Variants in FGF14 observed in about 807,000 individuals in gnomAD.
FGF14 encodes the protein fibroblast growth factor 14, also known as fibroblast growth factor homologous factor 4.
FGF14 carries 5 observed loss-of-function variants against 25.5 expected under a neutral mutation model. That is an observed-to-expected ratio of 0.20 (90% CI 0.10 to 0.41). The LOEUF (loss-of-function observed/expected upper bound fraction) is 0.41, where lower values mean the gene tolerates loss of function less well. Ranked by LOEUF, FGF14 falls within the 10% of genes least tolerant of loss-of-function variation. The probability of loss-of-function intolerance (pLI) is 1.00; values close to 1 mark genes in which losing one functional copy is unlikely to be tolerated. For synonymous variants in FGF14, 138 were observed against 118.3 expected, an observed-to-expected ratio of 1.17 and a Z score of -1.08; for missense variants, 222 against 320.1, an observed-to-expected ratio of 0.69 and a Z score of 2.34.
chr13:102,227,059 G>GAAATGTTTGAA (rs1429637755), intron 1 of FGF14, among the ~76,000 whole-genome samples: 5 of 151,904 alleles, frequency 3.3e-5, no homozygotes, highest in African/African-American at 7.3e-5. Flanking sequence ...TTTCAAACAT[G>GAAATGTTTGAA]ACTGCCTGTC....
chr13:101,823,430 A>G (rs2042252477), intron 3 of FGF14, among the ~76,000 whole-genome samples: 2 of 149,500 alleles, frequency 1.3e-5, no homozygotes, highest in Non-Finnish European at 1.5e-5. Flanking sequence ...ATATACACAT[A>G]TATCTTTATA....
intron 1 of FGF14, among the ~76,000 whole-genome samples, chr13:101,915,841 C>T (rs1453807802): frequency 1.2e-4 from 18 of 152,256 alleles, no homozygotes; most frequent in Admixed American, 1.2e-3. Context: ...CAGGATTTGA[C>T]TGAAGGGCTG....
At chr13:102,203,222 C>A (rs1179195791) in intron 1 of FGF14, among the ~76,000 whole-genome samples, 1 of 152,198 alleles carries the variant, frequency 6.6e-6, no homozygotes, top group African/African-American at 2.4e-5. Context: ...AATTAGTTTG[C>A]ATCTCCCAAG....
intron 1 of FGF14, among the ~76,000 whole-genome samples, chr13:102,366,882 C>T (rs965488896): frequency 2.0e-5 from 3 of 152,042 alleles, no homozygotes; most frequent in African/African-American, 7.2e-5. Context: ...TTGCCTAGAA[C>T]TACAAGATTA....
chr13:102,261,948 T>C (rs1486879334), intron 1 of FGF14, among the ~76,000 whole-genome samples: 2 of 152,096 alleles, frequency 1.3e-5, no homozygotes, highest in Non-Finnish European at 2.9e-5. Context: ...TCAGGACGCA[T>C]GGAGAAAGGG....
chr13:102,142,183 T>G (rs1594123308), intron 1 of FGF14, among the ~76,000 whole-genome samples: 1 of 152,170 alleles, frequency 6.6e-6, no homozygotes, highest in Non-Finnish European at 1.5e-5. Context: ...ACTTACAATC[T>G]TTGGAGTGAT....
At chr13:102,327,197 T>G (rs1359276451) in intron 1 of FGF14, among the ~76,000 whole-genome samples, 1 of 152,204 alleles carries the variant, frequency 6.6e-6, no homozygotes, top group Non-Finnish European at 1.5e-5. Context: ...AGTCCCTATT[T>G]CTTTACTTTC....
chr13:101,883,319 T>A (rs2045814456), intron 1 of FGF14, among the ~76,000 whole-genome samples: 1 of 152,206 alleles, frequency 6.6e-6, no homozygotes, highest in Non-Finnish European at 1.5e-5. Context: ...CAGACACATC[T>A]ATCTCTAGAA....
intron 3 of FGF14, among the ~76,000 whole-genome samples, chr13:101,745,421 T>C (rs999594525): frequency 6.6e-6 from 1 of 152,092 alleles, no homozygotes; most frequent in African/African-American, 2.4e-5. Context: ...CTATGGGTTT[T>C]GTCAAATGTA....
intron 1 of FGF14, among the ~76,000 whole-genome samples, chr13:101,973,485 A>T (rs543068170): frequency 6.6e-6 from 1 of 152,280 alleles, no homozygotes; most frequent in South Asian, 2.1e-4. Context: ...TATATATATA[A>T]AGGGGAGTTT....
intron 1 of FGF14, among the ~76,000 whole-genome samples, chr13:101,978,390 T>C (rs2038054674): frequency 6.6e-6 from 1 of 152,198 alleles, no homozygotes; most frequent in Admixed American, 6.5e-5. Flanking sequence ...TGACATCTCA[T>C]CCTGGTTTCT....
chr13:101,765,170 C>T (rs1470771123), intron 3 of FGF14, among the ~76,000 whole-genome samples: 2 of 152,180 alleles, frequency 1.3e-5, no homozygotes, highest in Admixed American at 6.5e-5. Flanking sequence ...GCCTCTGGCA[C>T]ATATATTCCT....
In FGF14 at chr13:101,806,414, G is replaced by A. The variant is rs557548350; in HGVS notation, c.408+62311C>T. Among the ~76,000 whole-genome samples, 51 of 140,642 alleles carry A rather than the reference G, an allele frequency of 3.6e-4. 1 individual carries two copies. The highest frequency in any genetic ancestry group is 4.2e-3 in the Middle Eastern group (1 of 240). The allele number at this position is 140,642 out of a possible 152,430, so 92.3% of individuals were successfully genotyped here. A position where few individuals can be genotyped will look rare whatever the true frequency, so the allele number is the denominator to read the frequency against. ...AGCCTGGGTGACAGAGCAAGACTCC[G>A]TCTAAGAAGAAAAAAAAAAAAAAAA... On this transcript the variant is annotated intron_variant, in intron 3 of 4. Coordinates refer to ENST00000376143, the MANE Select transcript of FGF14 (RefSeq NM_004115.4).
At chr13:101,957,991 G>C (rs1161615506) in intron 1 of FGF14, among the ~76,000 whole-genome samples, 1 of 152,042 alleles carries the variant, frequency 6.6e-6, no homozygotes, top group Non-Finnish European at 1.5e-5. Context: ...AAATAGTATA[G>C]GAAAATAACG....
intron 1 of FGF14, among the ~76,000 whole-genome samples, chr13:102,288,220 T>C (rs1428566814): frequency 6.6e-6 from 1 of 152,226 alleles, no homozygotes; most frequent in Non-Finnish European, 1.5e-5. Context: ...AACTAAAATC[T>C]ACTGCAAACT....
intron 1 of FGF14, among the ~76,000 whole-genome samples, chr13:101,898,341 A>AACACACAC (rs55676818): frequency 0.071 from 10,243 of 144,358 alleles, 394 homozygotes; most frequent in African/African-American, 0.091. Context: ...TGAAACATAC[A>AACACACAC]ACACACACAC....
At chr13:101,949,565 T>G (rs903934201) in intron 1 of FGF14, among the ~76,000 whole-genome samples, 12 of 152,158 alleles carry the variant, frequency 7.9e-5, no homozygotes, top group African/African-American at 2.9e-4. Flanking sequence ...TAAAGGCACA[T>G]TGGTTCTTAG....
At chr13:101,882,383 G>A (rs186797341) in intron 1 of FGF14, among the ~76,000 whole-genome samples, 2 of 152,108 alleles carry the variant, frequency 1.3e-5, no homozygotes, top group East Asian at 3.9e-4. Context: ...GCATTTTTAT[G>A]TAACAAAATT....
chr13:101,812,032 C>A (rs1044085747), intron 3 of FGF14, among the ~76,000 whole-genome samples: 30 of 152,142 alleles, frequency 2.0e-4, no homozygotes, highest in African/African-American at 7.2e-4. Context: ...CAGAAACTGT[C>A]ATATCTGATT....
Sources: gnomAD v4.1 joint callset for allele counts (sites outside exome capture counted in the v4.1 genomes callset) on GRCh38, gnomAD v4.1.1 for gene constraint, MANE v1.5 for transcripts, NCBI Gene and HGNC (gene_info 2026-07-23, HGNC 2026-07-21) for gene names.